The following ASTN2 variants were observed in gnomAD, a reference collection of about 807,000 sequenced individuals.
The protein encoded by ASTN2 is astrotactin-2.
A neutral mutation model predicts 139.8 loss-of-function variants in ASTN2; 54 were observed. That is an observed-to-expected ratio of 0.39 (90% CI 0.31 to 0.48). The LOEUF (loss-of-function observed/expected upper bound fraction) is 0.48. Ranked by LOEUF, ASTN2 falls within the 20% of genes least tolerant of loss-of-function variation. The probability of loss-of-function intolerance (pLI) is 0.95; values close to 1 mark genes in which losing one functional copy is unlikely to be tolerated. For missense variants in ASTN2, 1,565 were observed against 1,725.1 expected, an observed-to-expected ratio of 0.91 and a Z score of 1.64; for synonymous variants, 756 against 719.5, an observed-to-expected ratio of 1.05 and a Z score of -0.81.
intron 13 of ASTN2, among the ~76,000 whole-genome samples, chr9:116,763,384 C>T (rs976500623): frequency 6.6e-6 from 1 of 152,080 alleles, no homozygotes; most frequent in Non-Finnish European, 1.5e-5. Flanking sequence ...TATCACTCTG[C>T]CCCCTGAATG....
At chr9:117,182,968 T>C (rs1831112073) in intron 3 of ASTN2, among the ~76,000 whole-genome samples, 1 of 152,172 alleles carries the variant, frequency 6.6e-6, no homozygotes, top group Admixed American at 6.5e-5. Flanking sequence ...AACAGAACTT[T>C]TAAAAAGATC....
At chr9:116,773,872 T>C (rs1468913916) in intron 13 of ASTN2, among the ~76,000 whole-genome samples, 1 of 152,194 alleles carries the variant, frequency 6.6e-6, no homozygotes, top group African/African-American at 2.4e-5. Context: ...GGACCACCCA[T>C]GCACTTCTAA....
At chr9:117,111,031 C>T (rs1232244126) in intron 4 of ASTN2, among the ~76,000 whole-genome samples, 3 of 152,198 alleles carry the variant, frequency 2.0e-5, no homozygotes, top group Non-Finnish European at 4.4e-5. Context: ...TAATAAAACA[C>T]GGAGATTTGA....
chr9:117,152,040 T>C (rs1830337508), intron 3 of ASTN2, among the ~76,000 whole-genome samples: 1 of 152,112 alleles, frequency 6.6e-6, no homozygotes, highest in Admixed American at 6.6e-5. Flanking sequence ...TTGGGTAAGT[T>C]CCTTAAATTC....
chr9:117,373,034 T>C (rs1934486), intron 1 of ASTN2, among the ~76,000 whole-genome samples: 148,313 of 152,222 alleles, frequency 0.97, 72,278 homozygotes, highest in East Asian at 1. Context: ...GCTCCCTGAT[T>C]TGCCACCTGA....
chr9:116,919,612 G>C (rs1364252366), intron 10 of ASTN2, among the ~76,000 whole-genome samples: 3 of 146,268 alleles, frequency 2.1e-5, no homozygotes, highest in East Asian at 4.0e-4. Context: ...AACAATTCTT[G>C]GTTGTGTCAA....
intron 10 of ASTN2, among the ~76,000 whole-genome samples, chr9:116,964,469 C>G (rs534441112): frequency 6.6e-6 from 1 of 152,120 alleles, no homozygotes; most frequent in African/African-American, 2.4e-5. Context: ...CAGAGTGAGG[C>G]TTTCCAGGAA....
intron 11 of ASTN2, among the ~76,000 whole-genome samples, chr9:116,857,417 G>A (rs2132331715): frequency 6.6e-6 from 1 of 152,264 alleles, no homozygotes; most frequent in Non-Finnish European, 1.5e-5. Context: ...CTGCAATCCT[G>A]CTGAAGTCTG....
At chr9:116,873,518 TAAC>T (rs1216758955) in intron 10 of ASTN2, among the ~76,000 whole-genome samples, 2 of 132,876 alleles carry the variant, frequency 1.5e-5, no homozygotes, top group Non-Finnish European at 3.2e-5. Context: ...ATCATGGTGA[TAAC>T]AACATTCACA....
chr9:117,344,480 C>G (rs1829155908), intron 1 of ASTN2, among the ~76,000 whole-genome samples: 1 of 152,146 alleles, frequency 6.6e-6, no homozygotes, highest in African/African-American at 2.4e-5. Context: ...CTCAGTACCA[C>G]AAACCACTTG....
At chr9:116,884,052 A>G (rs974576836) in intron 10 of ASTN2, among the ~76,000 whole-genome samples, 1 of 152,180 alleles carries the variant, frequency 6.6e-6, no homozygotes, top group Non-Finnish European at 1.5e-5. Context: ...CCTTGTCTCC[A>G]CCCAGGAGAG....
At chr9:117,155,057 G>C (rs763924978) in intron 3 of ASTN2, among the ~76,000 whole-genome samples, 1 of 152,016 alleles carries the variant, frequency 6.6e-6, no homozygotes, top group African/African-American at 2.4e-5. Flanking sequence ...GGAGGGAACA[G>C]AGAAGAGATC....
At chr9:117,007,841 G>A (rs1251812001) in intron 7 of ASTN2, among the ~76,000 whole-genome samples, 1 of 152,050 alleles carries the variant, frequency 6.6e-6, no homozygotes, top group Non-Finnish European at 1.5e-5. Flanking sequence ...CAGACATTTT[G>A]CTTGTCTGGA....
chr9:117,408,008 G>C (rs2130974906), intron 1 of ASTN2, among the ~76,000 whole-genome samples: 1 of 152,296 alleles, frequency 6.6e-6, no homozygotes, highest in Middle Eastern at 3.4e-3. Flanking sequence ...AAGGCAGCTA[G>C]GGTGAGAGGC....
intron 2 of ASTN2, among the ~76,000 whole-genome samples, chr9:117,277,757 A>G (rs1488206885): frequency 3.3e-5 from 5 of 152,226 alleles, no homozygotes; most frequent in African/African-American, 1.2e-4. Context: ...TATATTATCT[A>G]TGGATTTTAG....
intron 13 of ASTN2, among the ~76,000 whole-genome samples, chr9:116,774,571 C>T (rs764736609): frequency 2.0e-5 from 3 of 152,134 alleles, no homozygotes; most frequent in Non-Finnish European, 2.9e-5. Flanking sequence ...GATAAGGAAG[C>T]TAAGCCTTAA....
At chr9:117,382,725 G>A (rs1388957730) in intron 1 of ASTN2, among the ~76,000 whole-genome samples, 4 of 152,146 alleles carry the variant, frequency 2.6e-5, no homozygotes, top group African/African-American at 7.2e-5. Flanking sequence ...AATAGACCAC[G>A]ATTAATCAGG....
chr9:117,090,582 T>A (rs2132743264), intron 5 of ASTN2, among the ~76,000 whole-genome samples: 1 of 152,368 alleles, frequency 6.6e-6, no homozygotes, highest in South Asian at 2.1e-4. Flanking sequence ...GAGCTCAGAA[T>A]GTTTTGAAGG....
In ASTN2 at chr9:117,320,501, G is replaced by A. The variant is rs7867074; in HGVS notation, c.443-28988C>T. 1.3e-3 allele frequency among the ~76,000 whole-genome samples: 193 copies of A among 152,238 alleles called. 1 individual carries two copies. The highest frequency in any genetic ancestry group is 4.0e-3 in the African/African-American group (168 of 41,550). ...ACTGAGGGGTAAGGATTACTATACT[G>A]TCACAACCTATGAGGAAATAGGTTC... On this transcript the variant is annotated intron_variant, in intron 1 of 22. Transcript: ENST00000313400.
Sources: allele counts gnomAD v4.1 joint callset (sites outside exome capture counted in the v4.1 genomes callset), GRCh38; gene constraint gnomAD v4.1.1; transcripts MANE v1.5; gene names NCBI Gene and HGNC (gene_info 2026-07-23, HGNC 2026-07-21).